Variants in WDFY1 observed in about 807,000 individuals in gnomAD.
The protein encoded by WDFY1 is WD repeat and FYVE domain containing 1.
A neutral mutation model predicts 56.4 loss-of-function variants in WDFY1; 32 were observed. That is an observed-to-expected ratio of 0.57 (90% CI 0.43 to 0.76). The LOEUF (loss-of-function observed/expected upper bound fraction) is 0.76, where lower values mean the gene tolerates loss of function less well. WDFY1 is among the 30% of genes least tolerant of loss of function. The pLI is 0.00. For synonymous variants in WDFY1, 192 were observed against 197.3 expected (o/e 0.97, Z 0.23); for missense variants, 480 against 545.7 (o/e 0.88, Z 1.20).
chr2:223,899,875 T>C (rs1385162561), intron 5 of WDFY1, among the ~76,000 whole-genome samples: 1 of 152,220 alleles, frequency 6.6e-6, no homozygotes, highest in Non-Finnish European at 1.5e-5. Context: ...TGACAGTAAA[T>C]ACAAGACATG....
At chr2:223,914,268 A>G (rs1444681805) in intron 2 of WDFY1, among the ~76,000 whole-genome samples, 1 of 152,150 alleles carries the variant, frequency 6.6e-6, no homozygotes, top group East Asian at 1.9e-4. Context: ...AAGTGCTGGG[A>G]ATACAGGCAT....
intron 1 of WDFY1, among the ~76,000 whole-genome samples, chr2:223,941,325 G>GTCT (rs1205088408): frequency 1.3e-5 from 2 of 151,934 alleles, no homozygotes; most frequent in African/African-American, 2.4e-5. Flanking sequence ...CTAGCTCTCA[G>GTCT]TCTTCTCTGT....
At chr2:223,903,667 A>C (rs1693546363) in intron 4 of WDFY1, among the ~76,000 whole-genome samples, 1 of 149,564 alleles carries the variant, frequency 6.7e-6, no homozygotes, top group African/African-American at 2.5e-5. Flanking sequence ...TTTTTAAAAA[A>C]AGGGACAGGA....
chr2:223,897,349 C>A (rs541097943), intron 6 of WDFY1, among the ~76,000 whole-genome samples: 1 of 113,590 alleles, frequency 8.8e-6, no homozygotes, highest in Non-Finnish European at 1.7e-5. Context: ...CTCTAAATTT[C>A]GCATATATAT....
Position 223,878,014 on chromosome 2 carries a change from G to A in WDFY1, c.*657C>T, listed in dbSNP as rs1421266715. On this transcript the variant is annotated 3_prime_UTR_variant, in exon 12 of 12. Transcript: ENST00000233055. ...ACAGAAATTTCACAACTTACTTAAT[G>A]ACAACCCCGAAAGTTCACCTGTGGC... The A allele has an allele frequency of 6.6e-6, 1 of 152,566 alleles. No individual in the cohort carries two copies. Among genetic ancestry groups the A allele is most frequent in the Non-Finnish European group, 1.5e-5 (1 of 68,030 alleles). The allele number at this position is 152,566 out of a possible 1,614,324, so 9.5% of individuals were successfully genotyped here. A position where few individuals can be genotyped will look rare whatever the true frequency, so the allele number is the denominator to read the frequency against.
rs544630042 is a variant in WDFY1, at chr2:223,880,315, A to G, written c.1065-83T>C. 1.1e-4 allele frequency: 143 copies of G among 1,263,186 alleles called. 1 individual carries two copies. The Admixed American group carries it at 2.5e-3, about 22-fold the overall frequency. The allele number at this position is 1,263,186 out of a possible 1,614,324, so 78.2% of individuals were successfully genotyped here. On this transcript the variant is annotated intron_variant, in intron 10 of 11. Transcript: ENST00000233055. ...GTAAGCTTTTTTAGCAACATAAAAT[A>G]AGCAAATATGGCCAGGTGCAGTGGC...
At chr2:223,895,420 G>C (rs1644917709) in intron 7 of WDFY1, 84 bp downstream of exon 7, 1 of 1,595,202 alleles carries the variant, frequency 6.3e-7, no homozygotes, top group African/African-American at 1.3e-5. Context: ...GGGGTTTGCA[G>C]AAAGTGGTAT....
At chr2:223,890,224 C>A (rs1013697201) in intron 8 of WDFY1, among the ~76,000 whole-genome samples, 21 of 152,150 alleles carry the variant, frequency 1.4e-4, no homozygotes, top group Non-Finnish European at 4.4e-5. Flanking sequence ...GTAATCCCAG[C>A]ACTTTGGGAG....
At chr2:223,893,994 G>C (rs1374304496) in intron 8 of WDFY1, among the ~76,000 whole-genome samples, 1 of 152,244 alleles carries the variant, frequency 6.6e-6, no homozygotes, top group Non-Finnish European at 1.5e-5. Flanking sequence ...TCAAGGCTGA[G>C]AACCAGCCTA....
At position 223,895,536 on chromosome 2, in the gene WDFY1, C is replaced by T. The variant is rs1693350764; in HGVS notation, c.693G>A (p.Arg231=). ...NSIIMWDIGG[R]KGRTLLLQGH... ...CCTGAAGTAACAGCGTCCGGCCTTT[C>T]CTTCCTCCGATGTCCCACATGATGA... is the stretch of plus-strand genomic sequence containing the variant. The change falls in exon 7 of 12, where the codon AGG becomes AGA. Residue 231 remains arginine, a synonymous_variant. Transcript: ENST00000233055. 1 of 1,614,038 alleles carries T rather than the reference C, an allele frequency of 6.2e-7. No homozygotes were observed. The highest frequency in any genetic ancestry group is 1.3e-5 in the African/African-American group (1 of 75,020).
chr2:223,892,325 T>G (rs1693293909), intron 8 of WDFY1, among the ~76,000 whole-genome samples: 1 of 152,204 alleles, frequency 6.6e-6, no homozygotes, highest in Non-Finnish European at 1.5e-5. Flanking sequence ...TAAAATATTC[T>G]AAGCCTTACC....
At chr2:223,903,643 T>C (rs57786469) in intron 4 of WDFY1, among the ~76,000 whole-genome samples, 1 of 18,582 alleles carries the variant, frequency 5.4e-5, no homozygotes, top group African/African-American at 1.3e-4. Flanking sequence ...ACACACACGT[T>C]TTTTGTTTTT....
intron 9 of WDFY1, among the ~76,000 whole-genome samples, chr2:223,882,792 C>T (rs1336875107): frequency 2.0e-5 from 3 of 151,898 alleles, no homozygotes; most frequent in Admixed American, 6.6e-5. Context: ...GGTGCAATGG[C>T]ATACAGCTCA....
intron 8 of WDFY1, among the ~76,000 whole-genome samples, chr2:223,893,064 C>G (rs958621171): frequency 6.6e-6 from 1 of 152,062 alleles, no homozygotes; most frequent in Non-Finnish European, 1.5e-5. Context: ...AGAATGGAAA[C>G]CTTGATTGGA....
intron 4 of WDFY1, 71 bp from the exon 5 acceptor site, chr2:223,901,404 A>G: frequency 1.3e-6 from 2 of 1,565,618 alleles, no homozygotes; most frequent in Non-Finnish European, 1.7e-6. Flanking sequence ...CTGAGGCTCA[A>G]CCTCTCAATC....
rs909355490 is a variant in WDFY1 at position 223,903,487 on chromosome 2, C to A, written c.335-2154G>T. Among the ~76,000 whole-genome samples, 11 of 150,752 alleles carry A rather than the reference C, an allele frequency of 7.3e-5. 1 individual carries two copies. Among genetic ancestry groups the A allele is most frequent in the African/African-American group, 2.7e-4 (11 of 40,934 alleles). On this transcript the variant is annotated intron_variant, in intron 4 of 11. Coordinates refer to ENST00000233055, the MANE Select transcript of WDFY1 (RefSeq NM_020830.5). Reference sequence around the variant, plus strand: ...GCAGTGAGCCAAGATCGTGCCACTGCACTCCAGTGTGGGCAACAGAGTGAG... The same window carrying A: ...GCAGTGAGCCAAGATCGTGCCACTGAACTCCAGTGTGGGCAACAGAGTGAG...
At chr2:223,921,143 T>C (rs1053559984) in intron 1 of WDFY1, among the ~76,000 whole-genome samples, 32 of 152,164 alleles carry the variant, frequency 2.1e-4, no homozygotes, top group African/African-American at 7.2e-4. Context: ...ATGTATTTGT[T>C]AGAACCTGTC....
chr2:223,900,831 A>G (rs616901), intron 5 of WDFY1: 164,795 of 176,644 alleles, frequency 0.93, 76,984 homozygotes, highest in South Asian at 0.97. Context: ...ACACAAAGAC[A>G]TGAGAGGAAG....
rs907200450 is a variant in WDFY1, at chr2:223,899,840, A to C, written c.486-770T>G. Reference sequence around the variant, plus strand: ...TCTGAAACGTAATGGTTATTTATGAAATATCTCTGAAAATAATGTAAATCT... The same window carrying C: ...TCTGAAACGTAATGGTTATTTATGACATATCTCTGAAAATAATGTAAATCT... On this transcript the variant is annotated intron_variant, in intron 5 of 11. Transcript: ENST00000233055. 2.6e-5 allele frequency among the ~76,000 whole-genome samples: 4 copies of C among 152,234 alleles called. No homozygotes were observed. In the East Asian group the frequency reaches 7.7e-4, roughly 29 times the overall value.
Sources: gnomAD v4.1 joint callset for allele counts (sites outside exome capture counted in the v4.1 genomes callset) on GRCh38, gnomAD v4.1.1 for gene constraint, MANE v1.5 for transcripts, NCBI Gene and HGNC (gene_info 2026-07-23, HGNC 2026-07-21) for gene names.